Variants in DTNB observed in about 807,000 individuals in gnomAD.
The protein encoded by DTNB is dystrobrevin beta.
Under a neutral mutation model 90.7 loss-of-function variants are expected in DTNB, and 63 were observed. The observed-to-expected ratio is 0.69, with a 90% CI of 0.57 to 0.86. The LOEUF (loss-of-function observed/expected upper bound fraction) is 0.86. Ranked by LOEUF, DTNB falls within the 40% of genes least tolerant of loss-of-function variation. The pLI, the probability that DTNB is intolerant of heterozygous loss-of-function variation, is 0.00. For missense variants in DTNB, 744 were observed against 807.1 expected (o/e 0.92, Z 0.95); for synonymous variants, 277 against 286.7 (o/e 0.97, Z 0.34).
intron 19 of DTNB, among the ~76,000 whole-genome samples, chr2:25,380,982 G>A (rs559616380): frequency 1.3e-5 from 2 of 152,370 alleles, no homozygotes; most frequent in East Asian, 3.9e-4. Flanking sequence ...CTCGAACCAG[G>A]ATAAGGGCTA....
chr2:25,591,856 G>A (rs928078353), intron 6 of DTNB, among the ~76,000 whole-genome samples: 1 of 151,930 alleles, frequency 6.6e-6, no homozygotes, highest in African/African-American at 2.4e-5. Context: ...AGATCAGGAG[G>A]TCGAGATCAG....
intron 5 of DTNB, among the ~76,000 whole-genome samples, chr2:25,605,138 C>A (rs1251583948): frequency 6.6e-6 from 1 of 152,186 alleles, no homozygotes; most frequent in Non-Finnish European, 1.5e-5. Context: ...ACATCTCAAG[C>A]CCAAGCCAAG....
intron 19 of DTNB, among the ~76,000 whole-genome samples, chr2:25,381,182 G>GGCATGTGCATGT (rs759424836): frequency 1.3e-5 from 2 of 152,006 alleles, no homozygotes; most frequent in East Asian, 1.9e-4. Flanking sequence ...GGATTTGGTT[G>GGCATGTGCATGT]GCATGTGCAT....
chr2:25,408,249 C>T (rs902582716), intron 16 of DTNB, among the ~76,000 whole-genome samples: 5 of 151,902 alleles, frequency 3.3e-5, no homozygotes, highest in African/African-American at 9.7e-5. Flanking sequence ...GTGGAGGCTG[C>T]GGTGAGCCGA....
intron 16 of DTNB, among the ~76,000 whole-genome samples, chr2:25,407,669 G>T (rs1432858406): frequency 6.6e-6 from 1 of 152,198 alleles, no homozygotes; most frequent in Non-Finnish European, 1.5e-5. Flanking sequence ...GGTAGCTCAA[G>T]AATAGAAAAC....
chr2:25,434,998 C>T (rs981027042), intron 12 of DTNB, among the ~76,000 whole-genome samples: 5 of 152,034 alleles, frequency 3.3e-5, no homozygotes, highest in African/African-American at 1.2e-4. Flanking sequence ...ATAAAATCCA[C>T]TTTTAAAAAG....
chr2:25,392,699 T>C (rs1318385036), intron 16 of DTNB, among the ~76,000 whole-genome samples: 2 of 152,042 alleles, frequency 1.3e-5, no homozygotes, highest in Non-Finnish European at 2.9e-5. Flanking sequence ...ACCAGGAAGA[T>C]ACAGAATATC....
chr2:25,594,748 T>C (rs759150494), intron 6 of DTNB: 1 of 152,234 alleles, frequency 6.6e-6, no homozygotes, highest in Non-Finnish European at 1.5e-5. Context: ...TTAACCAAGA[T>C]TCCTCAAATG....
At chr2:25,623,229 G>C (rs2073227332) in intron 4 of DTNB, among the ~76,000 whole-genome samples, 1 of 152,234 alleles carries the variant, frequency 6.6e-6, no homozygotes. Context: ...AAATCTCCTT[G>C]AATATAAATT....
At chr2:25,449,430 T>A (rs2058934758) in intron 12 of DTNB, among the ~76,000 whole-genome samples, 1 of 152,238 alleles carries the variant, frequency 6.6e-6, no homozygotes, top group South Asian at 2.1e-4. Flanking sequence ...TGTATGATTT[T>A]ATAGGCCCGC....
At chr2:25,542,967 T>C (rs1572334478) in intron 8 of DTNB, among the ~76,000 whole-genome samples, 2 of 152,228 alleles carry the variant, frequency 1.3e-5, no homozygotes, top group East Asian at 3.8e-4. Flanking sequence ...TTATCCAGTT[T>C]GAAAATGTAT....
chr2:25,667,358 G>A (rs748515792), intron 1 of DTNB, among the ~76,000 whole-genome samples: 4 of 151,876 alleles, frequency 2.6e-5, no homozygotes, highest in South Asian at 2.1e-4. Context: ...GCGTGGTGGC[G>A]GGTGCCTATA....
chr2:25,591,975 C>T (rs1471001963), intron 6 of DTNB, among the ~76,000 whole-genome samples: 4 of 148,476 alleles, frequency 2.7e-5, no homozygotes, highest in Middle Eastern at 3.5e-3. Flanking sequence ...GCAGGAGAAT[C>T]GCTTGAACCG....
At chr2:25,634,077 G>A (rs1041537234) in intron 3 of DTNB, among the ~76,000 whole-genome samples, 2 of 151,924 alleles carry the variant, frequency 1.3e-5, no homozygotes, top group Non-Finnish European at 2.9e-5. Context: ...GAGGTGGGGG[G>A]GTCAGCCAGC....
chr2:25,396,868 A>G (rs2042506887), intron 16 of DTNB, among the ~76,000 whole-genome samples: 3 of 151,460 alleles, frequency 2.0e-5, no homozygotes, highest in Non-Finnish European at 4.4e-5. Context: ...TACTTTTCCT[A>G]TTACCACCTT....
chr2:25,439,664 G>T (rs969796988), intron 12 of DTNB, among the ~76,000 whole-genome samples: 3 of 152,150 alleles, frequency 2.0e-5, no homozygotes, highest in African/African-American at 7.2e-5. Context: ...AATGAAAGTA[G>T]GGAGACGAAT....
chr2:25,609,126 C>T (rs566359963), intron 4 of DTNB, among the ~76,000 whole-genome samples: 72 of 152,300 alleles, frequency 4.7e-4, no homozygotes, highest in African/African-American at 1.6e-3. Flanking sequence ...AGTTTTCAAG[C>T]CTACTTTCCC....
At chr2:25,546,724 G>A (rs557063141) in intron 8 of DTNB, among the ~76,000 whole-genome samples, 1 of 152,228 alleles carries the variant, frequency 6.6e-6, no homozygotes, top group Admixed American at 6.5e-5. Flanking sequence ...TTGTTGTTAT[G>A]TTTAATCCAG....
At chr2:25,452,601 C>T (rs1262209429) in intron 11 of DTNB, among the ~76,000 whole-genome samples, 3 of 152,070 alleles carry the variant, frequency 2.0e-5, no homozygotes, top group African/African-American at 2.4e-5. Flanking sequence ...ACAAGTCATA[C>T]AGAAAAATTT....
Sources: gnomAD v4.1 joint callset for allele counts (sites outside exome capture counted in the v4.1 genomes callset) on GRCh38, gnomAD v4.1.1 for gene constraint, MANE v1.5 for transcripts, NCBI Gene and HGNC (gene_info 2026-07-23, HGNC 2026-07-21) for gene names.